The following EYA3 variants were observed in gnomAD, a reference collection of about 807,000 sequenced individuals.
EYA3 encodes the protein EYA transcriptional coactivator and phosphatase 3.
Under a neutral mutation model 80.0 loss-of-function variants are expected in EYA3, and 39 were observed. The ratio of observed to expected loss-of-function variants is 0.49; its 90% CI spans 0.38 to 0.64. EYA3 has a LOEUF of 0.64. Among genes scored for constraint, EYA3 ranks in the 30% least tolerant of loss-of-function variants. EYA3 has a pLI of 0.00. For missense variants in EYA3, 523 were observed against 676.1 expected, an observed-to-expected ratio of 0.77 and a Z score of 2.51; for synonymous variants, 206 against 232.8, an observed-to-expected ratio of 0.88 and a Z score of 1.05.
At chr1:28,077,673 T>C (rs1645272355) in intron 1 of EYA3, among the ~76,000 whole-genome samples, 1 of 152,116 alleles carries the variant, frequency 6.6e-6, no homozygotes, top group Non-Finnish European at 1.5e-5. Flanking sequence ...AATAAGAATA[T>C]GATAAAAGAA....
At chr1:28,044,720 TTC>T (rs1165411060) in intron 3 of EYA3, among the ~76,000 whole-genome samples, 1 of 152,158 alleles carries the variant, frequency 6.6e-6, no homozygotes, top group Non-Finnish European at 1.5e-5. Flanking sequence ...ACTTCTAATA[TTC>T]AAGTATAATA....
At chr1:28,008,592 A>G (rs1258366590) in intron 10 of EYA3, among the ~76,000 whole-genome samples, 1 of 152,168 alleles carries the variant, frequency 6.6e-6, no homozygotes, top group Non-Finnish European at 1.5e-5. Flanking sequence ...AGAATATTCT[A>G]GAATATTAAT....
chr1:28,006,305 A>C (rs1326118374), intron 10 of EYA3, among the ~76,000 whole-genome samples: 2 of 152,232 alleles, frequency 1.3e-5, no homozygotes, highest in African/African-American at 4.8e-5. Flanking sequence ...CTGATGCAGA[A>C]AATGCATTTG....
At position 28,013,924 on chromosome 1, in the gene EYA3, G is replaced by A. The variant is rs141128332; in HGVS notation, c.586-630C>T. ...CTAAAAATACAAAAATTAGCCTGGC[G>A]TGGTGGCACATGCCTGAAATCCCAG... On this transcript the variant is annotated intron_variant, in intron 8 of 17. Transcript: ENST00000373871. The surrounding 1 kb of genome is among the most constrained non-coding windows in gnomAD (Gnocchi z 4.0). Among the ~76,000 whole-genome samples, 660 of 152,100 alleles carry A rather than the reference G, an allele frequency of 4.3e-3. 5 individuals are homozygous for A. The highest frequency in any genetic ancestry group is 0.015 in the African/African-American group (627 of 41,498).
chr1:28,049,260 T>C (rs1048489806), intron 2 of EYA3, among the ~76,000 whole-genome samples: 1 of 152,170 alleles, frequency 6.6e-6, no homozygotes, highest in Non-Finnish European at 1.5e-5. Context: ...CCCATAAAAT[T>C]TGTCGTGGCC....
chr1:27,998,446 T>A (rs1640603206), intron 12 of EYA3: 1 of 319,850 alleles, frequency 3.1e-6, no homozygotes, highest in South Asian at 1.2e-4. Context: ...ATGTCCTAAT[T>A]TATCAACATA....
At chr1:28,053,668 G>A (rs11584722) in intron 2 of EYA3, among the ~76,000 whole-genome samples, 1 of 152,018 alleles carries the variant, frequency 6.6e-6, no homozygotes, top group African/African-American at 2.4e-5. Context: ...ATAAACTTAA[G>A]GATGTGCACT....
At chr1:28,062,657 G>GGTGTGTGTGTGT (rs71027260) in intron 1 of EYA3, among the ~76,000 whole-genome samples, 11,129 of 141,476 alleles carry the variant, frequency 0.079, 457 homozygotes, top group Non-Finnish European at 0.096. Context: ...AATATATGTA[G>GGTGTGTGTGTGT]GTGTGTGTGT....
chr1:28,063,937 A>G (rs898788776), intron 1 of EYA3, among the ~76,000 whole-genome samples: 2 of 152,086 alleles, frequency 1.3e-5, no homozygotes, highest in Admixed American at 6.5e-5. Flanking sequence ...AGAAACATAC[A>G]TGATTAACAT....
chr1:28,069,788 A>C (rs1036241451), intron 1 of EYA3, among the ~76,000 whole-genome samples: 1 of 152,194 alleles, frequency 6.6e-6, no homozygotes, highest in African/African-American at 2.4e-5. Flanking sequence ...ATTTGGAAAA[A>C]CAGTCTTTGC....
At chr1:28,056,693 A>C (rs1340946587) in intron 2 of EYA3, among the ~76,000 whole-genome samples, 2 of 152,236 alleles carry the variant, frequency 1.3e-5, no homozygotes, top group Non-Finnish European at 2.9e-5. Context: ...GAGAATGACA[A>C]GGAAATGAAG....
intron 1 of EYA3, among the ~76,000 whole-genome samples, chr1:28,076,513 C>G (rs1277355175): frequency 1.3e-5 from 2 of 151,676 alleles, no homozygotes; most frequent in Non-Finnish European, 2.9e-5. Context: ...GAGTTCAAGA[C>G]CAGCCTGGCC....
At chr1:27,992,271 T>TG (rs924113806) in intron 14 of EYA3, among the ~76,000 whole-genome samples, 1 of 151,412 alleles carries the variant, frequency 6.6e-6, no homozygotes, top group African/African-American at 2.5e-5. Flanking sequence ...TGGACCTGGG[T>TG]GGGGGGCGAG....
chr1:28,042,516 A>G, intron 4 of EYA3, 55 bp downstream of exon 4: 1 of 1,465,744 alleles, frequency 6.8e-7, no homozygotes, highest in Non-Finnish European at 9.5e-7. Flanking sequence ...CTATAAGAAA[A>G]GCATTACTAG....
At position 28,044,386 on chromosome 1, in the gene EYA3, G is replaced by A. The variant is rs112960178; in HGVS notation, c.78-1736C>T. 7.7e-3 allele frequency among the ~76,000 whole-genome samples: 1,172 copies of A among 152,304 alleles called. 10 individuals are homozygous for A. Among genetic ancestry groups the A allele is most frequent in the Middle Eastern group, 0.051 (15 of 294 alleles). Reference sequence around the variant, plus strand: ...GAAACCTACCTCATAGGGCTGTCAGGAGGACTAATAAGTTTACATTTAGAG... The same window carrying A: ...GAAACCTACCTCATAGGGCTGTCAGAAGGACTAATAAGTTTACATTTAGAG... On this transcript the variant is annotated intron_variant, in intron 3 of 17. Coordinates refer to ENST00000373871, the MANE Select transcript of EYA3 (RefSeq NM_001990.4).
chr1:28,052,015 T>C (rs189883709), intron 2 of EYA3, among the ~76,000 whole-genome samples: 109 of 152,046 alleles, frequency 7.2e-4, no homozygotes, highest in Non-Finnish European at 1.3e-3. Flanking sequence ...TTCTTTTTTA[T>C]TTTTATTTTT....
intron 17 of EYA3, chr1:27,977,369 C>T: frequency 6.5e-7 from 1 of 1,550,386 alleles, no homozygotes; most frequent in Non-Finnish European, 8.7e-7. Flanking sequence ...CCAATGCCTC[C>T]ATGTCTAAGA....
chr1:28,071,665 T>C (rs1344333011), intron 1 of EYA3, among the ~76,000 whole-genome samples: 1 of 152,190 alleles, frequency 6.6e-6, no homozygotes, highest in Non-Finnish European at 1.5e-5. Flanking sequence ...AACATATTCA[T>C]AGAATATTTC....
chr1:28,064,358 T>C (rs1475371309), intron 1 of EYA3, among the ~76,000 whole-genome samples: 1 of 115,398 alleles, frequency 8.7e-6, no homozygotes, highest in African/African-American at 3.8e-5. Flanking sequence ...AAGCAAGCCA[T>C]CCTCTCTCTC....
Sources: gnomAD v4.1 joint callset for allele counts (sites outside exome capture counted in the v4.1 genomes callset) on GRCh38, gnomAD v4.1.1 for gene constraint, Gnocchi (gnomAD v3.1) non-coding constraint, MANE v1.5 for transcripts, NCBI Gene and HGNC (gene_info 2026-07-23, HGNC 2026-07-21) for gene names.